Variants in ZC3H12D observed in about 807,000 individuals in gnomAD.
The protein encoded by ZC3H12D is probable ribonuclease ZC3H12D.
A neutral mutation model predicts 24.2 loss-of-function variants in ZC3H12D; 11 were observed. That is an observed-to-expected ratio of 0.46 (90% CI 0.29 to 0.75). The LOEUF is 0.75. ZC3H12D is among the 30% of genes least tolerant of loss of function. The probability of loss-of-function intolerance (pLI) is 0.11; values close to 1 mark genes in which losing one functional copy is unlikely to be tolerated. For missense variants in ZC3H12D, 740 were observed against 767.7 expected (o/e 0.96, Z 0.43); for synonymous variants, 333 against 341.8 (o/e 0.97, Z 0.28).
chr6:149,459,821 G>C, intron 3 of ZC3H12D: 1 of 651,938 alleles, frequency 1.5e-6, no homozygotes, highest in Non-Finnish European at 2.8e-6. Context: ...TCCATGCCAG[G>C]TATACTAAAG....
intron 1 of ZC3H12D, among the ~76,000 whole-genome samples, chr6:149,477,047 T>G (rs1776353219): frequency 6.6e-6 from 1 of 152,262 alleles, no homozygotes; most frequent in South Asian, 2.1e-4. Context: ...CTGTTACAAA[T>G]CAGGCTCAGT....
In ZC3H12D at chr6:149,447,349, C is replaced by G. The variant is rs936017556; in HGVS notation, c.*3334G>C. The G allele has an allele frequency of 6.6e-6, 1 of 152,276 alleles. No homozygotes were observed. Among genetic ancestry groups the G allele is most frequent in the East Asian group, 1.9e-4 (1 of 5,204 alleles). The allele number at this position is 152,276 out of a possible 1,614,324, so 9.4% of individuals were successfully genotyped here. Reference sequence around the variant, plus strand: ...CACTACAACCTCTGCCTCCTGGGTTCAAGGTGATTCTCCTGCCTCAGCCTC... The same window carrying G: ...CACTACAACCTCTGCCTCCTGGGTTGAAGGTGATTCTCCTGCCTCAGCCTC... On this transcript the variant is annotated 3_prime_UTR_variant, in exon 6 of 6. Transcript: ENST00000409806.
intron 2 of ZC3H12D, among the ~76,000 whole-genome samples, chr6:149,473,336 T>C (rs929854861): frequency 1.3e-5 from 2 of 152,172 alleles, no homozygotes; most frequent in Non-Finnish European, 2.9e-5. Context: ...TTCCCACCTA[T>C]GGTGGGAGTA....
At chr6:149,476,426 C>T (rs1776341533) in intron 1 of ZC3H12D, among the ~76,000 whole-genome samples, 1 of 152,080 alleles carries the variant, frequency 6.6e-6, no homozygotes, top group Admixed American at 6.6e-5. Flanking sequence ...CTCGCTGGAA[C>T]CTGGGAGGCA....
chr6:149,475,456 G>A (rs1323251821), intron 1 of ZC3H12D, among the ~76,000 whole-genome samples: 1 of 152,110 alleles, frequency 6.6e-6, no homozygotes, highest in Non-Finnish European at 1.5e-5. Flanking sequence ...GGTGGCTCAC[G>A]CCTGTAATCC....
intron 3 of ZC3H12D, among the ~76,000 whole-genome samples, chr6:149,458,920 G>A (rs1221217319): frequency 6.6e-6 from 1 of 152,134 alleles, no homozygotes; most frequent in Non-Finnish European, 1.5e-5. Context: ...GCTTATTCAT[G>A]CTTTAGCCCA....
At chr6:149,475,829 G>A (rs1776331283) in intron 1 of ZC3H12D, among the ~76,000 whole-genome samples, 1 of 152,038 alleles carries the variant, frequency 6.6e-6, no homozygotes, top group Admixed American at 6.5e-5. Context: ...CCTGATAGAT[G>A]GCTTCTAAAT....
In ZC3H12D at chr6:149,456,987, G is replaced by C; in HGVS notation, c.446-87C>G. On this transcript the variant is annotated intron_variant, in intron 3 of 5. Transcript: ENST00000409806. The surrounding 1 kb of genome is among the most constrained non-coding windows in gnomAD (Gnocchi z 4.3). ...CCCAACGCGAGGCCACCCGCTTCCC[G>C]GGCCGGTCAGATGAGGTTTTGAGGG... 2 of 1,346,812 alleles carry C rather than the reference G, an allele frequency of 1.5e-6. No individual in the cohort carries two copies. The highest frequency in any genetic ancestry group is 1.3e-5 in the South Asian group (1 of 75,820). The allele number at this position is 1,346,812 out of a possible 1,614,324, so 83.4% of individuals were successfully genotyped here.
At chr6:149,467,853 G>C (rs111324775) in intron 2 of ZC3H12D, among the ~76,000 whole-genome samples, 1 of 152,146 alleles carries the variant, frequency 6.6e-6, no homozygotes, top group African/African-American at 2.4e-5. Flanking sequence ...GTAACCCACA[G>C]TTTAAATGCT....
chr6:149,459,243 T>C (rs1776035208), intron 3 of ZC3H12D, among the ~76,000 whole-genome samples: 1 of 152,230 alleles, frequency 6.6e-6, no homozygotes, highest in Non-Finnish European at 1.5e-5. Context: ...TACACTACTG[T>C]TGAAATTCAC....
intron 2 of ZC3H12D, among the ~76,000 whole-genome samples, chr6:149,473,754 G>C (rs954923269): frequency 6.6e-6 from 1 of 152,180 alleles, no homozygotes; most frequent in Non-Finnish European, 1.5e-5. Flanking sequence ...ATAACCTTGA[G>C]AGAGTAGAAG....
At chr6:149,465,353 C>CA (rs10617394) in intron 2 of ZC3H12D, among the ~76,000 whole-genome samples, 3,122 of 125,990 alleles carry the variant, frequency 0.025, 82 homozygotes, top group African/African-American at 0.067. Flanking sequence ...GACTCTGTCT[C>CA]AAAAAAAAAA....
chr6:149,459,057 C>T (rs886499253), intron 3 of ZC3H12D, among the ~76,000 whole-genome samples: 10 of 151,962 alleles, frequency 6.6e-5, no homozygotes, highest in African/African-American at 2.2e-4. Flanking sequence ...CAGTTTGAGA[C>T]TTGTCTTTCC....
chr6:149,478,704 C>T (rs189958661), intron 1 of ZC3H12D, among the ~76,000 whole-genome samples: 1 of 152,216 alleles, frequency 6.6e-6, no homozygotes, highest in East Asian at 1.9e-4. Context: ...CTCCTTCTCC[C>T]AGGGCCCCAG....
In ZC3H12D at chr6:149,456,447, G is replaced by C. The variant is rs1157280198; in HGVS notation, c.680+219C>G. On this transcript the variant is annotated intron_variant, in intron 4 of 5. Coordinates refer to ENST00000409806, the MANE Select transcript of ZC3H12D (RefSeq NM_207360.3). The surrounding 1 kb of genome is among the most constrained non-coding windows in gnomAD (Gnocchi z 4.3). ...CCCACCTCTTGGGCTTCTCTGTGGT[G>C]TGTCAGATGTGGCCCTGGGAACAGC... Among the ~76,000 whole-genome samples the C allele has an allele frequency of 6.6e-6, 1 of 152,064 alleles. No individual in the cohort carries two copies. Among genetic ancestry groups the C allele is most frequent in the Non-Finnish European group, 1.5e-5 (1 of 68,008 alleles).
Position 149,448,287 on chromosome 6 carries a change from G to T in ZC3H12D, c.*2396C>A, listed in dbSNP as rs957913557. Reference sequence around the variant, plus strand: ...AGCCTGGGTGACAGAGCGAGACTCCGTTTCAAAAATAATAATAATAAAAAT... The same window carrying T: ...AGCCTGGGTGACAGAGCGAGACTCCTTTTCAAAAATAATAATAATAAAAAT... On this transcript the variant is annotated 3_prime_UTR_variant, in exon 6 of 6. Transcript: ENST00000409806. The T allele has an allele frequency of 6.6e-6, 1 of 151,568 alleles. No homozygotes were observed. The highest frequency in any genetic ancestry group is 1.5e-5 in the Non-Finnish European group (1 of 67,962). 9.4% of individuals were successfully genotyped at this position (151,568 alleles called of 1,614,324 possible).
rs532398831 is a variant in ZC3H12D, at chr6:149,454,464, C to G, written c.681-1742G>C. ...CCCCGGCCCTGTGTGGCCTCCATAG[C>G]TCAGCTCCCAGCTGCACAGCCGGCT... On this transcript the variant is annotated intron_variant, in intron 4 of 5. Coordinates refer to ENST00000409806, the MANE Select transcript of ZC3H12D (RefSeq NM_207360.3). Among the ~76,000 whole-genome samples the G allele has an allele frequency of 1.6e-4, 25 of 152,358 alleles. No individual in the cohort carries two copies. The South Asian group carries it at 5.2e-3, about 32-fold the overall frequency.
At chr6:149,474,823 C>T (rs1776306229) in intron 1 of ZC3H12D, among the ~76,000 whole-genome samples, 1 of 152,208 alleles carries the variant, frequency 6.6e-6, no homozygotes, top group Non-Finnish European at 1.5e-5. Flanking sequence ...GCCTTCACCC[C>T]ACACTGCCCG....
chr6:149,477,126 C>A (rs980749172), intron 1 of ZC3H12D, among the ~76,000 whole-genome samples: 8 of 152,274 alleles, frequency 5.3e-5, no homozygotes, highest in Non-Finnish European at 8.8e-5. Context: ...GACCTTCAGT[C>A]CCTCTTCTCC....
Sources: gnomAD v4.1 joint callset for allele counts (sites outside exome capture counted in the v4.1 genomes callset) on GRCh38, gnomAD v4.1.1 for gene constraint, Gnocchi (gnomAD v3.1) non-coding constraint, MANE v1.5 for transcripts, NCBI Gene and HGNC (gene_info 2026-07-23, HGNC 2026-07-21) for gene names.